Variants in CNTN4 observed in about 807,000 individuals in gnomAD.
CNTN4 encodes the protein contactin-4.
Under a neutral mutation model 122.5 loss-of-function variants are expected in CNTN4, and 77 were observed. The ratio of observed to expected loss-of-function variants is 0.63; its 90% CI spans 0.52 to 0.76. CNTN4 has a LOEUF of 0.76. CNTN4 is among the 30% of genes least tolerant of loss of function. The probability of loss-of-function intolerance (pLI) is 0.00; values close to 1 mark genes in which losing one functional copy is unlikely to be tolerated. For synonymous variants in CNTN4, 512 were observed against 447.0 expected, an observed-to-expected ratio of 1.15 and a Z score of -1.83; for missense variants, 1,256 against 1,259.1, an observed-to-expected ratio of 1.00 and a Z score of 0.04.
chr3:2,510,395 T>C (rs2076850985), intron 3 of CNTN4, among the ~76,000 whole-genome samples: 1 of 147,044 alleles, frequency 6.8e-6, no homozygotes, highest in Middle Eastern at 3.6e-3. Context: ...GTTGTTTATT[T>C]GTTTGTTTTT....
At position 2,630,128 on chromosome 3, in the gene CNTN4, A is replaced by T. The variant is rs143771086; in HGVS notation, c.55+58570A>T. ...CAGCATTGAGAAGTTGTAAAGGAGC[A>T]AAAAAAGACACAGAACCATCTGAAG... On this transcript the variant is annotated intron_variant, in intron 4 of 24. Transcript: ENST00000418658. 1.6e-4 allele frequency among the ~76,000 whole-genome samples: 24 copies of T among 152,288 alleles called. No homozygotes were observed. The East Asian group carries it at 4.6e-3, about 29-fold the overall frequency.
chr3:3,047,346 A>T (rs1231369934), intron 23 of CNTN4, among the ~76,000 whole-genome samples: 1 of 152,228 alleles, frequency 6.6e-6, no homozygotes, highest in Non-Finnish European at 1.5e-5. Context: ...ACCACATCGC[A>T]CTTATTCCAT....
At position 3,043,720 on chromosome 3, in the gene CNTN4, T is replaced by A; in HGVS notation, c.2811+16T>A. 6.5e-7 allele frequency: 1 copy of A among 1,546,668 alleles called. No individual in the cohort carries two copies. Among genetic ancestry groups the A allele is most frequent in the South Asian group, 1.1e-5 (1 of 89,584 alleles). The stretch of plus-strand genomic sequence containing the variant: ...AGGATACAAAGTAGGTAATTTCTTT[T>A]TTGCAAAGGCACCTAATCGTGCTGT... On this transcript the variant is annotated intron_variant, in intron 23 of 24. Coordinates refer to ENST00000418658, the MANE Select transcript of CNTN4 (RefSeq NM_175607.3).
At chr3:2,828,144 C>CGTGT (rs1559550572) in intron 7 of CNTN4, among the ~76,000 whole-genome samples, 1 of 150,766 alleles carries the variant, frequency 6.6e-6, no homozygotes, top group Admixed American at 6.6e-5. Context: ...TGTGTGTGTG[C>CGTGT]GTGTGTGTAT....
At chr3:2,882,989 A>G (rs553181748) in intron 8 of CNTN4, 156 bp from the exon 9 acceptor site, 91 of 613,812 alleles carry the variant, frequency 1.5e-4, no homozygotes, top group African/African-American at 1.5e-3. Context: ...AAGAGCCACA[A>G]TTCATGACTG....
In CNTN4 at chr3:2,335,588, T is replaced by G. The variant is rs990869026; in HGVS notation, c.-144-3590T>G. On this transcript the variant is annotated intron_variant, in intron 2 of 24. Coordinates refer to ENST00000418658, the MANE Select transcript of CNTN4 (RefSeq NM_175607.3). ...GCCCAGAAAAAAATTCTGTGGGTTT[T>G]TTTTTTTTTTTTTTAACCTTCTTTC... is the stretch of plus-strand genomic sequence containing the variant. 4.7e-4 allele frequency among the ~76,000 whole-genome samples: 5 copies of G among 10,590 alleles called. No homozygotes were observed. In the East Asian group the frequency reaches 0.15, roughly 326 times the overall value. The allele number at this position is 10,590 out of a possible 152,430, so 6.9% of individuals were successfully genotyped here. A position where few individuals can be genotyped will look rare whatever the true frequency, so the allele number is the denominator to read the frequency against.
chr3:2,337,491 T>C (rs1482422741), intron 2 of CNTN4, among the ~76,000 whole-genome samples: 1 of 152,054 alleles, frequency 6.6e-6, no homozygotes, highest in Admixed American at 6.6e-5. Flanking sequence ...AATTATTAAT[T>C]TGAGGATTGA....
chr3:2,242,367 T>G (rs2039975575), intron 2 of CNTN4, among the ~76,000 whole-genome samples: 1 of 152,104 alleles, frequency 6.6e-6, no homozygotes, highest in African/African-American at 2.4e-5. Context: ...GCTATATATG[T>G]TATTCAGACT....
intron 3 of CNTN4, among the ~76,000 whole-genome samples, chr3:2,400,404 AATATATAT>A (rs36082705): frequency 2.2e-5 from 2 of 91,438 alleles, no homozygotes; most frequent in Non-Finnish European, 4.8e-5. Context: ...TATGTGTGTG[AATATATAT>A]ATATATATAT....
intron 2 of CNTN4, among the ~76,000 whole-genome samples, chr3:2,165,489 CA>C (rs1421044611): frequency 5.3e-5 from 8 of 151,858 alleles, no homozygotes; most frequent in Admixed American, 3.3e-4. Context: ...AGTTAGTTAA[CA>C]TCTTCATCAC....
intron 4 of CNTN4, among the ~76,000 whole-genome samples, chr3:2,626,496 C>CAA (rs35668647): frequency 1.5e-3 from 216 of 143,952 alleles, no homozygotes; most frequent in South Asian, 0.012. Flanking sequence ...GACTCTATCT[C>CAA]AAAAAAAAAA....
At chr3:2,106,124 C>T (rs191697720) in intron 2 of CNTN4, among the ~76,000 whole-genome samples, 3 of 152,332 alleles carry the variant, frequency 2.0e-5, no homozygotes, top group East Asian at 3.9e-4. Context: ...CAGTTCTGCC[C>T]CTCTGGCTTT....
intron 13 of CNTN4, among the ~76,000 whole-genome samples, chr3:2,959,489 A>T (rs1469712026): frequency 1.3e-5 from 2 of 152,104 alleles, no homozygotes; most frequent in Admixed American, 1.3e-4. Flanking sequence ...TATGCCTATC[A>T]ACATATTGTG....
chr3:3,043,022 A>T lies in CNTN4; in HGVS notation c.2557A>T (p.Ile853Leu). 1.2e-6 allele frequency: 2 copies of T among 1,614,184 alleles called. No individual in the cohort carries two copies. The highest frequency in any genetic ancestry group is 3.3e-5 in the Admixed American group (2 of 60,026). ...HEDKEENARKIRTVGNQTSTK... is the reference protein window; with the variant it reads ...HEDKEENARKLRTVGNQTSTK... Reference sequence around the variant, plus strand: ...AGACAAAGAAGAAAATGCTAGAAAAATACGAACAGTTGGAAATCAGACATC... The same window carrying T: ...AGACAAAGAAGAAAATGCTAGAAAATTACGAACAGTTGGAAATCAGACATC... The change falls in exon 22 of 25, where the codon ATA (isoleucine) becomes TTA (leucine). Residue 853 changes from isoleucine (I) to leucine (L), a missense_variant. Transcript: ENST00000418658.
chr3:2,448,494 A>C (rs1308749964), intron 3 of CNTN4, among the ~76,000 whole-genome samples: 1 of 152,176 alleles, frequency 6.6e-6, no homozygotes, highest in Non-Finnish European at 1.5e-5. Flanking sequence ...AATGAACTTG[A>C]GAATTGTCCT....
intron 4 of CNTN4, among the ~76,000 whole-genome samples, chr3:2,637,471 C>T (rs916210610): frequency 2.0e-5 from 3 of 151,864 alleles, no homozygotes; most frequent in African/African-American, 4.8e-5. Flanking sequence ...TCAAAAGGAG[C>T]CCTCCTTTGC....
chr3:3,039,807 A>T, intron 19 of CNTN4: 1 of 522,076 alleles, frequency 1.9e-6, no homozygotes, highest in Non-Finnish European at 3.5e-6. Context: ...CCCATCAAAG[A>T]GCAAGCTCTG....
chr3:2,695,099 A>G (rs1333503021), intron 4 of CNTN4, among the ~76,000 whole-genome samples: 1 of 152,186 alleles, frequency 6.6e-6, no homozygotes, highest in Non-Finnish European at 1.5e-5. Context: ...GGGGCTGGGC[A>G]AAAAGCACCT....
rs573462151 is a variant in CNTN4 at position 2,895,853 on chromosome 3, T to G, written c.941-4832T>G. On this transcript the variant is annotated intron_variant, in intron 10 of 24. Coordinates refer to ENST00000418658, the MANE Select transcript of CNTN4 (RefSeq NM_175607.3). ...ATCGAGACCATCCTGGCTAACAGGGTGAAACCCCGTCTCTACTAAAAATAC... is the reference window on the plus strand; with the variant it reads ...ATCGAGACCATCCTGGCTAACAGGGGGAAACCCCGTCTCTACTAAAAATAC... Among the ~76,000 whole-genome samples the G allele has an allele frequency of 3.4e-4, 52 of 152,082 alleles. No individual in the cohort carries two copies. The Middle Eastern group carries it at 0.01, about 30-fold the overall frequency.
Sources: allele counts gnomAD v4.1 joint callset (sites outside exome capture counted in the v4.1 genomes callset), GRCh38; gene constraint gnomAD v4.1.1; transcripts MANE v1.5; gene names NCBI Gene and HGNC (gene_info 2026-07-23, HGNC 2026-07-21).